Variants in ROBO2 observed in about 807,000 individuals in gnomAD.
The protein encoded by ROBO2 is roundabout homolog 2.
In ROBO2, 53 loss-of-function variants were observed where a neutral mutation model predicts 160.8. The observed-to-expected ratio is 0.33, with a 90% CI of 0.26 to 0.41. ROBO2 has a LOEUF of 0.41. Among genes scored for constraint, ROBO2 ranks in the 10% least tolerant of loss-of-function variants. The pLI is 1.00. For missense variants in ROBO2, 1,577 were observed against 1,722.4 expected (o/e 0.92, Z 1.49); for synonymous variants, 664 against 611.7 (o/e 1.09, Z -1.26).
chr3:76,475,597 G>A (rs1577460180), intron 2 of ROBO2, among the ~76,000 whole-genome samples: 1 of 151,204 alleles, frequency 6.6e-6, no homozygotes, highest in East Asian at 2.0e-4. Flanking sequence ...GTGGGGGAGG[G>A]GGAAATGAAC....
chr3:76,282,705 T>C (rs1708293682), intron 2 of ROBO2, among the ~76,000 whole-genome samples: 1 of 151,952 alleles, frequency 6.6e-6, no homozygotes, highest in African/African-American at 2.4e-5. Context: ...TCTGCCTCAA[T>C]GAGTGATCGT....
intron 2 of ROBO2, among the ~76,000 whole-genome samples, chr3:76,064,933 G>T (rs191879132): frequency 2.0e-4 from 30 of 152,034 alleles, no homozygotes; most frequent in Admixed American, 3.3e-4. Context: ...TTGTTTGTTT[G>T]TACTTGACTT....
intron 2 of ROBO2, among the ~76,000 whole-genome samples, chr3:76,823,443 A>C (rs931622537): frequency 7.2e-5 from 11 of 152,204 alleles, no homozygotes; most frequent in African/African-American, 2.7e-4. Flanking sequence ...TTAAATACAA[A>C]GGATAAAATT....
At chr3:76,385,302 CT>C (rs1014572594) in intron 2 of ROBO2, among the ~76,000 whole-genome samples, 2 of 152,112 alleles carry the variant, frequency 1.3e-5, no homozygotes, top group African/African-American at 4.8e-5. Flanking sequence ...TGCCAAGTGT[CT>C]TTTAAAAAGT....
intron 2 of ROBO2, among the ~76,000 whole-genome samples, chr3:76,460,574 A>G (rs73115451): frequency 0.022 from 3,395 of 152,282 alleles, 54 homozygotes; most frequent in Middle Eastern, 0.034. Flanking sequence ...GGAGAAAATT[A>G]CCTTTGTGGA....
intron 2 of ROBO2, among the ~76,000 whole-genome samples, chr3:75,967,825 A>T (rs1949172452): frequency 2.0e-5 from 3 of 151,508 alleles, no homozygotes; most frequent in Admixed American, 1.3e-4. Context: ...CATTTCTAAG[A>T]GTATTTGGAA....
intron 2 of ROBO2, among the ~76,000 whole-genome samples, chr3:77,266,397 C>T (rs1230211725): frequency 6.6e-6 from 1 of 152,084 alleles, no homozygotes; most frequent in Non-Finnish European, 1.5e-5. Flanking sequence ...TATTTTCCTT[C>T]TAGAACTGTA....
intron 2 of ROBO2, among the ~76,000 whole-genome samples, chr3:76,564,902 C>A (rs560604650): frequency 6.6e-6 from 1 of 152,210 alleles, no homozygotes; most frequent in African/African-American, 2.4e-5. Context: ...TTTATAACAT[C>A]TTTTAGATTT....
chr3:77,620,467 G>T (rs1472055060), intron 22 of ROBO2, among the ~76,000 whole-genome samples: 1 of 152,160 alleles, frequency 6.6e-6, no homozygotes, highest in African/African-American at 2.4e-5. Flanking sequence ...TAAGCATATT[G>T]ATGGCAACAT....
chr3:77,166,942 C>T (rs1425650907), intron 2 of ROBO2, among the ~76,000 whole-genome samples: 1 of 152,202 alleles, frequency 6.6e-6, no homozygotes, highest in Non-Finnish European at 1.5e-5. Context: ...GAAAAAGTTA[C>T]AAATGTCAAC....
At chr3:75,926,487 A>G (rs115521740) in intron 1 of ROBO2, among the ~76,000 whole-genome samples, 47 of 152,282 alleles carry the variant, frequency 3.1e-4, no homozygotes, top group Non-Finnish European at 5.7e-4. Flanking sequence ...CGGTAGTTTA[A>G]TTCCCTCTAG....
intron 2 of ROBO2, among the ~76,000 whole-genome samples, chr3:76,134,112 G>C (rs1427846451): frequency 6.6e-6 from 1 of 152,072 alleles, no homozygotes; most frequent in Non-Finnish European, 1.5e-5. Flanking sequence ...GCTAGTTTAA[G>C]TTGCTGCAAT....
intron 1 of ROBO2, among the ~76,000 whole-genome samples, chr3:77,051,266 AAGAATC>A (rs1359971702): frequency 2.0e-5 from 3 of 152,190 alleles, no homozygotes; most frequent in Admixed American, 2.0e-4. Flanking sequence ...TGAAAGAAAA[AAGAATC>A]AGAAAATATG....
chr3:76,794,404 G>A (rs2063555465), intron 2 of ROBO2, among the ~76,000 whole-genome samples: 2 of 151,718 alleles, frequency 1.3e-5, no homozygotes, highest in South Asian at 4.1e-4. Flanking sequence ...CCTAACAAGT[G>A]GACATAATAA....
At chr3:77,438,345 T>G (rs999091678) in intron 2 of ROBO2, among the ~76,000 whole-genome samples, 1 of 151,928 alleles carries the variant, frequency 6.6e-6, no homozygotes, top group Non-Finnish European at 1.5e-5. Flanking sequence ...ACTACCCACT[T>G]AGACTGATTT....
intron 2 of ROBO2, among the ~76,000 whole-genome samples, chr3:77,469,476 T>C (rs371877617): frequency 1.3e-5 from 2 of 152,086 alleles, no homozygotes; most frequent in East Asian, 1.9e-4. Flanking sequence ...GTGGTGGTGG[T>C]GGTGGCAGTG....
In ROBO2 at chr3:76,948,908, A is replaced by ATT. The variant is rs1157110855; in HGVS notation, c.110-149085_110-149084dup. Among the ~76,000 whole-genome samples the ATT allele has an allele frequency of 8.6e-3, 215 of 24,966 alleles. 2 individuals are homozygous for ATT. Among genetic ancestry groups the ATT allele is most frequent in the Non-Finnish European group, 0.011 (168 of 14,892 alleles). The allele number at this position is 24,966 out of a possible 152,430, so 16.4% of individuals were successfully genotyped here. A position where few individuals can be genotyped will look rare whatever the true frequency, so the allele number is the denominator to read the frequency against. The stretch of plus-strand genomic sequence containing the variant: ...TATATATATATATATATATATATAT[A>ATT]TTTTTTTTTTTTTTTTTTTTTTAGT... On this transcript the variant is annotated intron_variant, in intron 2 of 26. Coordinates refer to the ROBO2 transcript ENST00000487694.
At chr3:77,406,933 A>G (rs1169563205) in intron 2 of ROBO2, among the ~76,000 whole-genome samples, 1 of 152,178 alleles carries the variant, frequency 6.6e-6, no homozygotes, top group South Asian at 2.1e-4. Flanking sequence ...TTCAGGTTGC[A>G]CTAATGAGAT....
At chr3:77,602,155 G>T (rs976044948) in intron 19 of ROBO2, 55 bp from the exon 21 acceptor site, 3 of 1,574,204 alleles carry the variant, frequency 1.9e-6, no homozygotes, top group Non-Finnish European at 2.6e-6. Context: ...AGTCCTGATA[G>T]TTTTGGGCTT....
Sources: allele counts gnomAD v4.1 joint callset (sites outside exome capture counted in the v4.1 genomes callset), GRCh38; gene constraint gnomAD v4.1.1; transcripts MANE v1.5; gene names NCBI Gene and HGNC (gene_info 2026-07-23, HGNC 2026-07-21).